The following HIVEP3 variants were observed in gnomAD, a reference collection of about 807,000 sequenced individuals.
The protein encoded by HIVEP3 is transcription factor HIVEP3.
Under a neutral mutation model 152.8 loss-of-function variants are expected in HIVEP3, and 49 were observed. The observed-to-expected ratio is 0.32, with a 90% CI of 0.26 to 0.41. HIVEP3 has a LOEUF of 0.41. HIVEP3 is among the 10% of genes least tolerant of loss of function. The pLI, the probability that HIVEP3 is intolerant of heterozygous loss-of-function variation, is 1.00. For synonymous variants in HIVEP3, 1,269 were observed against 1,289.0 expected (o/e 0.98, Z 0.33); for missense variants, 2,790 against 3,103.3 (o/e 0.90, Z 2.40).
intron 5 of HIVEP3, among the ~76,000 whole-genome samples, chr1:41,573,397 C>T (rs1644280199): frequency 6.6e-6 from 1 of 152,130 alleles, no homozygotes. Context: ...CCCAAGAGAA[C>T]CATGAATGTA....
intron 1 of HIVEP3, among the ~76,000 whole-genome samples, chr1:41,739,112 G>A (rs1558227048): frequency 2.6e-5 from 4 of 152,220 alleles, no homozygotes; most frequent in African/African-American, 4.8e-5. Context: ...CGATGCCCCC[G>A]ACTTGCTGCC....
rs562282424 is a variant in HIVEP3, at chr1:41,510,668, G to A, written c.7004C>T (p.Pro2335Leu). The change falls in exon 9 of 9, where the codon CCG becomes CTG. Residue 2335 changes from proline to leucine, a missense_variant. Physicochemically the swap from Pro to Leu is moderately conservative, Grantham distance 98 (BLOSUM62 -3). This residue lies in a region of HIVEP3 where 816 missense variants were observed against 806.5 expected (regional missense o/e 1.01). Transcript: ENST00000372583. ...AGGCTCGGGGTTGGTCGGTGCACGC[G>A]GGGACTCCAAGCGGGGGCTCCAGGA... Reference protein sequence around the residue: ...AQSWSPRLESPRAPTNPEPSA... With the variant: ...AQSWSPRLESLRAPTNPEPSA... The A allele has an allele frequency of 5.5e-5, 84 of 1,524,738 alleles. No individual in the cohort carries two copies. Among genetic ancestry groups the A allele is most frequent in the Admixed American group, 2.0e-4 (10 of 49,628 alleles). 94.5% of individuals were successfully genotyped at this position (1,524,738 alleles called of 1,614,324 possible).
chr1:41,795,416 G>C (rs1432665891), intron 1 of HIVEP3, among the ~76,000 whole-genome samples: 1 of 152,184 alleles, frequency 6.6e-6, no homozygotes, highest in Non-Finnish European at 1.5e-5. Context: ...CCAACAAGGT[G>C]CATTACTGGT....
chr1:41,711,072 C>T (rs569079946), intron 1 of HIVEP3, among the ~76,000 whole-genome samples: 1 of 152,356 alleles, frequency 6.6e-6, no homozygotes, highest in South Asian at 2.1e-4. Context: ...CTGCTGCGGG[C>T]CTAGACTGCA....
chr1:41,584,756 C>G lies in HIVEP3; in HGVS notation c.42G>C (p.Glu14Asp). 6.6e-7 allele frequency: 1 copy of G among 1,519,008 alleles called. No homozygotes were observed. Among genetic ancestry groups the G allele is most frequent in the Non-Finnish European group, 8.8e-7 (1 of 1,135,320 alleles). 94.1% of individuals were successfully genotyped at this position (1,519,008 alleles called of 1,614,324 possible). Residue 14 changes from glutamate (E) to aspartate (D), a missense_variant, in exon 4 of 9, where the codon GAG (glutamate) becomes GAC (aspartate). Transcript: ENST00000372583. This position sits in a 1 kb window ranked among gnomAD's most constrained non-coding sequence, Gnocchi z 5.2. The stretch of plus-strand genomic sequence containing the variant: ...TGGTCAGCCGCTTCCGGGGACTTCC[C>G]TCAGCCTTCTTGGTGCCCTTGACAC... Reference protein sequence around the residue: ...EQSVKGTKKAEGSPRKRLTKG... With the variant: ...EQSVKGTKKADGSPRKRLTKG...
intron 1 of HIVEP3, among the ~76,000 whole-genome samples, chr1:41,721,182 C>T (rs898178769): frequency 5.9e-5 from 9 of 151,694 alleles, no homozygotes; most frequent in Admixed American, 2.0e-4. Flanking sequence ...AGGTAGATCT[C>T]ATGTGAAACA....
Position 41,581,608 on chromosome 1 carries a change from T to C in HIVEP3, c.3190A>G (p.Lys1064Glu). ...GGTTCTTCGCTCTCCTGTCTTCCCTTGGGGGCAACCTCCAACTCAGATTCT... is the reference window on the plus strand; with the variant it reads ...GGTTCTTCGCTCTCCTGTCTTCCCTCGGGGGCAACCTCCAACTCAGATTCT... ...PPESELEVAP[K>E]GRQESEEPQP... Residue 1064 changes from lysine (K) to glutamate (E), a missense_variant, in exon 4 of 9, where the codon AAG becomes GAG. Physicochemically the swap from Lys to Glu is moderately conservative, Grantham distance 56. This residue lies in a region of HIVEP3 where 1,078 missense variants were observed against 1,165.3 expected (regional missense o/e 0.93). Coordinates refer to ENST00000372583, the MANE Select transcript of HIVEP3 (RefSeq NM_024503.5). This position sits in a 1 kb window ranked among gnomAD's most constrained non-coding sequence, Gnocchi z 4.5. The C allele has an allele frequency of 6.2e-7, 1 of 1,614,082 alleles. No individual in the cohort carries two copies. The highest frequency in any genetic ancestry group is 8.5e-7 in the Non-Finnish European group (1 of 1,179,988).
chr1:41,669,388 T>C (rs779607167), intron 2 of HIVEP3, among the ~76,000 whole-genome samples: 2 of 152,180 alleles, frequency 1.3e-5, no homozygotes, highest in African/African-American at 2.4e-5. Context: ...GTTAATTCCA[T>C]GTGCCATCTC....
intron 1 of HIVEP3, among the ~76,000 whole-genome samples, chr1:42,002,209 C>G (rs1645432162): frequency 2.6e-5 from 4 of 152,096 alleles, no homozygotes; most frequent in Admixed American, 2.6e-4. Context: ...CAAGATGGGA[C>G]CAAATTACCT....
At chr1:41,674,861 G>T (rs1436323861) in intron 2 of HIVEP3, among the ~76,000 whole-genome samples, 1 of 152,156 alleles carries the variant, frequency 6.6e-6, no homozygotes, top group Non-Finnish European at 1.5e-5. Context: ...GCCCTGAGAG[G>T]GGCGGGTAAA....
chr1:41,817,925 T>G (rs142289763), intron 1 of HIVEP3, among the ~76,000 whole-genome samples: 2,485 of 152,216 alleles, frequency 0.016, 34 homozygotes, highest in Non-Finnish European at 0.021. Flanking sequence ...GAGCATGAAC[T>G]CCTGAGGGAG....
At chr1:41,921,925 C>CCACA (rs371827291), upstream of HIVEP3, among the ~76,000 whole-genome samples, 18 of 150,132 alleles carry the variant, frequency 1.2e-4, no homozygotes, top group Middle Eastern at 3.4e-3. Context: ...CACACACACA[C>CCACA]CACACACACA....
At chr1:41,569,086 A>T (rs1485543169) in intron 5 of HIVEP3, among the ~76,000 whole-genome samples, 1 of 152,164 alleles carries the variant, frequency 6.6e-6, no homozygotes, top group Non-Finnish European at 1.5e-5. Context: ...CATGATTGAA[A>T]GTTTCCTGAG....
intron 5 of HIVEP3, among the ~76,000 whole-genome samples, chr1:41,541,587 T>C (rs1240329280): frequency 1.3e-5 from 2 of 152,170 alleles, no homozygotes; most frequent in South Asian, 4.1e-4. Flanking sequence ...TGAGCTCAGA[T>C]CCAACCCCAG....
chr1:41,525,030 C>A, intron 5 of HIVEP3, 120 bp from the exon 6 acceptor site: 2 of 944,668 alleles, frequency 2.1e-6, no homozygotes, highest in Non-Finnish European at 1.6e-6. Context: ...GGAATGGAGG[C>A]CACGGAACCA....
In HIVEP3 at chr1:41,594,459, G is replaced by C. The variant is rs1408659782; in HGVS notation, c.-521-9141C>G. Among the ~76,000 whole-genome samples the C allele has an allele frequency of 3.3e-5, 5 of 152,220 alleles. No individual in the cohort carries two copies. In the East Asian group the frequency reaches 7.7e-4, roughly 23 times the overall value. On this transcript the variant is annotated intron_variant, in intron 3 of 8. Transcript: ENST00000372583. ...ACTGGTCTTGAACTCCTGACCTCAA[G>C]TGATCCCCTGCCTCAGCCTCCCGAA...
chr1:41,610,159 C>T (rs1644877891), intron 3 of HIVEP3, among the ~76,000 whole-genome samples: 1 of 152,188 alleles, frequency 6.6e-6, no homozygotes, highest in Admixed American at 6.5e-5. Flanking sequence ...TAAAATCTCT[C>T]TCTCTGTATA....
At chr1:41,608,879 C>A (rs895648040) in intron 3 of HIVEP3, among the ~76,000 whole-genome samples, 1 of 149,494 alleles carries the variant, frequency 6.7e-6, no homozygotes, top group Non-Finnish European at 1.5e-5. Context: ...TGGGACCAGC[C>A]TGACCACATG....
chr1:41,584,882 T>A lies in HIVEP3; in HGVS notation c.-85A>T. 1 of 1,301,896 alleles carries A rather than the reference T, an allele frequency of 7.7e-7. No individual in the cohort carries two copies. The highest frequency in any genetic ancestry group is 1.0e-6 in the Non-Finnish European group (1 of 984,490). 80.6% of individuals were successfully genotyped at this position (1,301,896 alleles called of 1,614,324 possible). A position where few individuals can be genotyped will look rare whatever the true frequency, so the allele number is the denominator to read the frequency against. On this transcript the variant is annotated 5_prime_UTR_variant, in exon 4 of 9. Transcript: ENST00000372583. This position sits in a 1 kb window ranked among gnomAD's most constrained non-coding sequence, Gnocchi z 5.2. ...ATAATCCCAGTGTCCCAAGGAGGTGTCCAGCTTTGGCCACATTGGTCAAGA... is the reference window on the plus strand; with the variant it reads ...ATAATCCCAGTGTCCCAAGGAGGTGACCAGCTTTGGCCACATTGGTCAAGA...
Sources: allele counts gnomAD v4.1 joint callset (sites outside exome capture counted in the v4.1 genomes callset), GRCh38; gene constraint gnomAD v4.1.1; regional missense constraint gnomAD v4.1.1; non-coding constraint Gnocchi (gnomAD v3.1); transcripts MANE v1.5; gene names NCBI Gene and HGNC (gene_info 2026-07-23, HGNC 2026-07-21).